Variants in COQ4 observed in about 807,000 individuals in gnomAD.
The protein encoded by COQ4 is coenzyme Q4.
COQ4 carries 36 observed loss-of-function variants against 30.2 expected under a neutral mutation model. The observed-to-expected ratio is 1.19, with a 90% CI of 0.91 to 1.57. COQ4 has a LOEUF of 1.57. COQ4 is among the 40% of genes most tolerant of loss of function. COQ4 has a pLI of 0.00. For missense variants in COQ4, 369 were observed against 371.9 expected, an observed-to-expected ratio of 0.99 and a Z score of 0.07; for synonymous variants, 197 against 161.0, an observed-to-expected ratio of 1.22 and a Z score of -1.69.
chr9:128,327,806 AT>A (rs1327281840), intron 4 of COQ4, among the ~76,000 whole-genome samples: 1 of 152,172 alleles, frequency 6.6e-6, no homozygotes, highest in Non-Finnish European at 1.5e-5. Flanking sequence ...TGTCTCAAAA[AT>A]AAAAAAAAGT....
chr9:128,322,955 G>C (rs1832233927), intron 1 of COQ4, 27 bp downstream of exon 1: 2 of 1,604,316 alleles, frequency 1.2e-6, no homozygotes, highest in South Asian at 1.1e-5. Context: ...TCTGGGCGCA[G>C]GCGGGAAGGA....
At chr9:128,325,643 A>T in intron 3 of COQ4, 136 bp from the exon 4 acceptor site, 1 of 672,284 alleles carries the variant, frequency 1.5e-6, no homozygotes, top group Middle Eastern at 3.9e-4. Context: ...TAGCCTGGCC[A>T]GTTGTAGGTG....
chr9:128,326,009 C>G (rs1832314483), intron 4 of COQ4, 128 bp downstream of exon 4: 1 of 815,474 alleles, frequency 1.2e-6, no homozygotes, highest in African/African-American at 1.7e-5. Context: ...CAGGCTCATG[C>G]CAAGGCTTTG....
rs78496286 is a variant in COQ4, at chr9:128,327,311, T to A, written c.402+1430T>A. 4.2e-3 allele frequency among the ~76,000 whole-genome samples: 634 copies of A among 151,742 alleles called. 5 individuals carry two copies. Among genetic ancestry groups the A allele is most frequent in the African/African-American group, 0.015 (613 of 41,374 alleles). Reference sequence around the variant, plus strand: ...TACAAAAATTAGCTAGGTGTGATGGTGTGCGCCTGTAATCCCAGCTACTCG... The same window carrying A: ...TACAAAAATTAGCTAGGTGTGATGGAGTGCGCCTGTAATCCCAGCTACTCG... On this transcript the variant is annotated intron_variant, in intron 4 of 6. Coordinates refer to ENST00000300452, the MANE Select transcript of COQ4 (RefSeq NM_016035.5).
chr9:128,325,822 C>G lies in COQ4; in HGVS notation c.343C>G (p.Leu115Val), dbSNP rs1222363385. 1 of 1,614,228 alleles carries G rather than the reference C, an allele frequency of 6.2e-7. No individual in the cohort carries two copies. The highest frequency in any genetic ancestry group is 1.7e-5 in the Admixed American group (1 of 60,022). Residue 115 changes from leucine to valine, a missense_variant, in exon 4 of 7, where the codon CTC becomes GTC. Physicochemically the swap from Leu to Val is conservative, Grantham distance 32. Transcript: ENST00000300452. ...ISTSTLDLGKLQSLPEGSLGR... is the reference protein window; with the variant it reads ...ISTSTLDLGKVQSLPEGSLGR... ...GACATCCACCCTCGACCTGGGCAAGCTCCAGAGCCTGCCGGAAGGCTCCCT... is the reference window on the plus strand; with the variant it reads ...GACATCCACCCTCGACCTGGGCAAGGTCCAGAGCCTGCCGGAAGGCTCCCT...
rs774951618 is a variant in COQ4 at position 128,325,127 on chromosome 9, G to A, written c.203-16G>A. ...AAGATGACATCCCCCATTTGTGCCC[G>A]TTTCTGTCCTTTCAGACATGGTCGC... On this transcript the variant is annotated splice_polypyrimidine_tract_variant and intron_variant, in intron 2 of 6. Transcript: ENST00000300452. The A allele has an allele frequency of 3.1e-5, 49 of 1,603,264 alleles. No individual in the cohort carries two copies. In the Middle Eastern group the frequency reaches 8.3e-4, roughly 27 times the overall value.
chr9:128,332,291 C>G lies in COQ4; in HGVS notation c.532+9C>G. ...GCCCACCAACATCCTGGGTGAGTGC[C>G]CCCAACCCTGATGGCCTGTCTCCCT... On this transcript the variant is annotated intron_variant, in intron 5 of 6. Transcript: ENST00000300452. 1 of 1,611,552 alleles carries G rather than the reference C, an allele frequency of 6.2e-7. No individual in the cohort carries two copies. The highest frequency in any genetic ancestry group is 1.1e-5 in the South Asian group (1 of 90,676).
At chr9:128,327,447 A>G (rs146999163) in intron 4 of COQ4, among the ~76,000 whole-genome samples, 127 of 152,258 alleles carry the variant, frequency 8.3e-4, no homozygotes, top group Middle Eastern at 3.4e-3. Flanking sequence ...TGTCTCCAAC[A>G]AAACAAAACA....
At chr9:128,326,597 G>T (rs1004109625) in intron 4 of COQ4, among the ~76,000 whole-genome samples, 1 of 149,984 alleles carries the variant, frequency 6.7e-6, no homozygotes, top group African/African-American at 2.5e-5. Flanking sequence ...CGCCCGCCAC[G>T]ACGCCCGGCT....
At chr9:128,333,020 A>C (rs1211828128) in intron 6 of COQ4, 77 bp downstream of exon 6, 32 of 1,074,752 alleles carry the variant, frequency 3.0e-5, no homozygotes, top group Non-Finnish European at 3.6e-5. Context: ...GGGCTCTTAG[A>C]AGTAGGAAGA....
chr9:128,330,206 T>TAAA (rs764453336), intron 4 of COQ4, among the ~76,000 whole-genome samples: 2 of 126,868 alleles, frequency 1.6e-5, no homozygotes, highest in African/African-American at 5.8e-5. Context: ...CTGTCTCTAC[T>TAAA]AAAAAAAAAA....
At chr9:128,324,867 CATGAT>C (rs1181634136) in intron 2 of COQ4, among the ~76,000 whole-genome samples, 1 of 152,188 alleles carries the variant, frequency 6.6e-6, no homozygotes, top group African/African-American at 2.4e-5. Context: ...TCAATGGAGA[CATGAT>C]ATTGTATTGT....
intron 6 of COQ4, among the ~76,000 whole-genome samples, chr9:128,333,191 G>A (rs1048651720): frequency 1.3e-5 from 2 of 152,182 alleles, no homozygotes; most frequent in Non-Finnish European, 2.9e-5. Context: ...AGGCCTAAGT[G>A]CATGGTCAGA....
chr9:128,332,782 T>C, intron 5 of COQ4, 68 bp from the exon 6 acceptor site: 1 of 1,155,340 alleles, frequency 8.7e-7, no homozygotes, highest in South Asian at 1.2e-5. Flanking sequence ...CTCTTTACCC[T>C]GCTGTGAGCA....
At chr9:128,323,251 C>T (rs1588535887) in intron 2 of COQ4, 104 bp downstream of exon 2, 7 of 1,094,544 alleles carry the variant, frequency 6.4e-6, no homozygotes, top group East Asian at 2.8e-5. Context: ...GGTTGCAGCT[C>T]GTAACCACTC....
intron 1 of COQ4, 32 bp from the exon 2 acceptor site, chr9:128,322,984 C>T (rs1362492347): frequency 1.2e-6 from 2 of 1,608,682 alleles, no homozygotes; most frequent in East Asian, 4.5e-5. Flanking sequence ...GCGCCCGGCT[C>T]CTCTGACCTC....
intron 5 of COQ4, 133 bp from the exon 6 acceptor site, chr9:128,332,717 A>ACAGGC: frequency 1.3e-6 from 1 of 755,812 alleles, no homozygotes; most frequent in Non-Finnish European, 2.4e-6. Context: ...AGGGCCCAGC[A>ACAGGC]CAGGCCAGGA....
chr9:128,333,430 G>A (rs2131236702), intron 6 of COQ4, 44 bp from the exon 7 acceptor site: 4 of 1,467,868 alleles, frequency 2.7e-6, no homozygotes, highest in Non-Finnish European at 3.6e-6. Context: ...CGAGTGCCTG[G>A]CCCCAGGGAC....
intron 3 of COQ4, 151 bp from the exon 4 acceptor site, chr9:128,325,627 TG>T: frequency 1.6e-6 from 1 of 639,002 alleles, no homozygotes; most frequent in South Asian, 1.9e-5. Context: ...CCTAAGTCCC[TG>T]ACACTAGCCT....
Sources: gnomAD v4.1 joint callset for allele counts (sites outside exome capture counted in the v4.1 genomes callset) on GRCh38, gnomAD v4.1.1 for gene constraint, MANE v1.5 for transcripts, NCBI Gene and HGNC (gene_info 2026-07-23, HGNC 2026-07-21) for gene names.